Variants in FNBP1 observed in about 807,000 individuals in gnomAD.
The protein encoded by FNBP1 is formin-binding protein 1.
FNBP1 carries 26 observed loss-of-function variants against 90.6 expected under a neutral mutation model. The ratio of observed to expected loss-of-function variants is 0.29; its 90% CI spans 0.21 to 0.40. The LOEUF (loss-of-function observed/expected upper bound fraction) is 0.40, where lower values mean the gene tolerates loss of function less well. FNBP1 is among the 10% of genes least tolerant of loss of function. The pLI, the probability that FNBP1 is intolerant of heterozygous loss-of-function variation, is 1.00. For synonymous variants in FNBP1, 260 were observed against 265.2 expected, an observed-to-expected ratio of 0.98 and a Z score of 0.19; for missense variants, 635 against 768.0, an observed-to-expected ratio of 0.83 and a Z score of 2.05.
chr9:129,929,821 G>A (rs1466301331), intron 6 of FNBP1, 126 bp from the exon 7 acceptor site: 10 of 812,800 alleles, frequency 1.2e-5, no homozygotes, highest in African/African-American at 3.5e-5. Flanking sequence ...AATGTATTCC[G>A]CGGGTGCTTT....
chr9:129,906,941 A>G (rs548377241), intron 12 of FNBP1, among the ~76,000 whole-genome samples: 26 of 152,108 alleles, frequency 1.7e-4, no homozygotes, highest in Non-Finnish European at 2.6e-4. Flanking sequence ...CACCACTCCC[A>G]GCTAATTTTT....
chr9:129,940,691 A>G (rs2044190997), intron 6 of FNBP1, among the ~76,000 whole-genome samples: 1 of 151,956 alleles, frequency 6.6e-6, no homozygotes, highest in Admixed American at 6.6e-5. Flanking sequence ...CAGTGGCACA[A>G]TCTCGGCTCA....
intron 1 of FNBP1, among the ~76,000 whole-genome samples, chr9:129,995,631 C>T (rs1008959874): frequency 2.6e-5 from 4 of 152,106 alleles, no homozygotes; most frequent in African/African-American, 9.7e-5. Context: ...GGTGTTGTAC[C>T]ACTGCACTCC....
chr9:130,012,303 T>G (rs1287673776), intron 1 of FNBP1, among the ~76,000 whole-genome samples: 1 of 152,218 alleles, frequency 6.6e-6, no homozygotes, highest in East Asian at 1.9e-4. Context: ...CTCACTGAGT[T>G]ACTAAAAGGA....
the FNBP1 span, among the ~76,000 whole-genome samples, chr9:130,050,174 C>T: frequency 2.6e-5 from 4 of 152,094 alleles, no homozygotes; most frequent in African/African-American, 7.2e-5. Flanking sequence ...GAACTACTTA[C>T]TAGGGACTCA....
intron 4 of FNBP1, among the ~76,000 whole-genome samples, chr9:129,975,017 G>A (rs530580811): frequency 6.6e-6 from 1 of 152,066 alleles, no homozygotes; most frequent in Non-Finnish European, 1.5e-5. Context: ...TCAGGATTTC[G>A]AGACCAGCCT....
intron 1 of FNBP1, among the ~76,000 whole-genome samples, chr9:130,038,020 T>G (rs959714894): frequency 2.0e-5 from 3 of 152,098 alleles, no homozygotes; most frequent in Admixed American, 6.6e-5. Context: ...GAATGTATAT[T>G]ATATGCCTGG....
rs573009482 is a variant in FNBP1 at position 129,962,449 on chromosome 9, A to C, written c.346-3896T>G. 2.0e-5 allele frequency among the ~76,000 whole-genome samples: 3 copies of C among 152,310 alleles called. No individual in the cohort carries two copies. In the South Asian group the frequency reaches 6.2e-4, roughly 32 times the overall value. On this transcript the variant is annotated intron_variant, in intron 4 of 16. Coordinates refer to ENST00000446176, the MANE Select transcript of FNBP1 (RefSeq NM_015033.3). ...AGAAGGTCAGGTGAAGGAAGGATAA[A>C]AACAAAGAGGTCCACTAGGTAGAGC...
intron 4 of FNBP1, among the ~76,000 whole-genome samples, chr9:129,970,072 T>G (rs1204896707): frequency 6.6e-6 from 1 of 150,730 alleles, no homozygotes; most frequent in Non-Finnish European, 1.5e-5. Context: ...GGGTTTGTTT[T>G]TTTTTTGTAT....
upstream of FNBP1, among the ~76,000 whole-genome samples, chr9:130,043,600 C>T (rs1222598290): frequency 1.3e-5 from 2 of 152,224 alleles, no homozygotes; most frequent in Admixed American, 6.5e-5. Flanking sequence ...AGAGTCAGCC[C>T]GGGAGGCTCT....
rs111893424 is a variant in FNBP1 at position 130,008,698 on chromosome 9, G to A, written c.25-13740C>T. 5.1e-3 allele frequency among the ~76,000 whole-genome samples: 776 copies of A among 152,238 alleles called. 7 individuals are homozygous for A. Among genetic ancestry groups the A allele is most frequent in the African/African-American group, 0.014 (575 of 41,534 alleles). ...GATTTCTATGCAGAGATTGGACCAC[G>A]AAAGCTGTCTAAATATGAATTGGTC... On this transcript the variant is annotated intron_variant, in intron 1 of 16. Transcript: ENST00000446176.
chr9:129,895,393 T>C (rs2035544612), intron 16 of FNBP1: 1 of 1,085,806 alleles, frequency 9.2e-7, no homozygotes, highest in Non-Finnish European at 1.1e-6. Flanking sequence ...TAAGTTACAA[T>C]CTGTAACCAC....
chr9:129,995,031 TAAC>T (rs2053769752), intron 1 of FNBP1, 73 bp from the exon 2 acceptor site: 1 of 771,998 alleles, frequency 1.3e-6, no homozygotes, highest in Non-Finnish European at 2.3e-6. Flanking sequence ...ATAATTCTCT[TAAC>T]AACATATTAC....
chr9:129,900,339 A>C lies in FNBP1; in HGVS notation c.1550+87T>G. 7.3e-7 allele frequency: 1 copy of C among 1,370,664 alleles called. No homozygotes were observed. The highest frequency in any genetic ancestry group is 3.1e-5 in the Admixed American group (1 of 31,960). The allele number at this position is 1,370,664 out of a possible 1,614,324, so 84.9% of individuals were successfully genotyped here. ...CATTTTGGCATTGAACAAGTGCCTT[A>C]TGGTCATTCCAGATTCCAAAATTTA... On this transcript the variant is annotated intron_variant, in intron 14 of 16. Transcript: ENST00000446176. The surrounding 1 kb of genome is among the most constrained non-coding windows in gnomAD (Gnocchi z 4.1).
Position 129,900,126 on chromosome 9 carries a change from G to C in FNBP1, c.1551-25C>G, listed in dbSNP as rs1197638345. 6.3e-7 allele frequency: 1 copy of C among 1,575,740 alleles called. No homozygotes were observed. The highest frequency in any genetic ancestry group is 8.6e-7 in the Non-Finnish European group (1 of 1,160,928). ...GCTGCTCAAGAAAGGAAAACACAAA[G>C]CAACTAAAGCGACTGACCCCAGGGA... On this transcript the variant is annotated intron_variant, in intron 14 of 16. Transcript: ENST00000446176. The surrounding 1 kb of genome is among the most constrained non-coding windows in gnomAD (Gnocchi z 4.1).
intron 10 of FNBP1, among the ~76,000 whole-genome samples, chr9:129,916,937 G>A (rs77163493): frequency 0.013 from 1,929 of 151,980 alleles, 19 homozygotes; most frequent in Middle Eastern, 0.024. Flanking sequence ...CCCTTGCTCC[G>A]TGGAGGGTGT....
chr9:130,021,195 A>G (rs976564637), intron 1 of FNBP1, among the ~76,000 whole-genome samples: 1 of 152,214 alleles, frequency 6.6e-6, no homozygotes, highest in East Asian at 1.9e-4. Context: ...ACTTAAGGAC[A>G]GTTGTCAAGC....
chr9:129,965,763 GGAAGGGAGGGAAGGGAGGGAA>G lies in FNBP1; in HGVS notation c.346-7231_346-7211del, dbSNP rs879867506. On this transcript the variant is annotated intron_variant, in intron 4 of 16. Transcript: ENST00000446176. ...AAAAGAAGAAAGGGAAGGAAGTGAA[GGAAGGGAGGGAAGGGAGGGAA>G]GGAGGGAGGGAGGGGGGAAGGAGGG... 9.4e-3 allele frequency among the ~76,000 whole-genome samples: 1,197 copies of G among 127,592 alleles called. 9 individuals carry two copies. The highest frequency in any genetic ancestry group is 0.022 in the Middle Eastern group (6 of 270). 83.7% of individuals were successfully genotyped at this position (127,592 alleles called of 152,430 possible). A position where few individuals can be genotyped will look rare whatever the true frequency, so the allele number is the denominator to read the frequency against.
intron 4 of FNBP1, among the ~76,000 whole-genome samples, chr9:129,975,168 G>A (rs1377699451): frequency 2.6e-5 from 4 of 152,140 alleles, no homozygotes; most frequent in East Asian, 3.9e-4. Context: ...GCAGTAAGCC[G>A]AGTTTGTGCA....
Sources: allele counts gnomAD v4.1 joint callset (sites outside exome capture counted in the v4.1 genomes callset), GRCh38; gene constraint gnomAD v4.1.1; non-coding constraint Gnocchi (gnomAD v3.1); transcripts MANE v1.5; gene names NCBI Gene and HGNC (gene_info 2026-07-23, HGNC 2026-07-21).